HPS1: variants seen among roughly 807,000 people sequenced by gnomAD.
HPS1 encodes the protein BLOC-3 complex member HPS1.
A neutral mutation model predicts 90.6 loss-of-function variants in HPS1; 59 were observed. The observed-to-expected ratio is 0.65, with a 90% confidence interval of 0.53 to 0.81. The LOEUF (loss-of-function observed/expected upper bound fraction) is 0.81, where lower values mean the gene tolerates loss of function less well. HPS1 is among the 30% of genes least tolerant of loss of function. The pLI, the probability that HPS1 is intolerant of heterozygous loss-of-function variation, is 0.00. For synonymous variants in HPS1, 388 were observed against 384.4 expected (o/e 1.01, Z -0.11); for missense variants, 849 against 896.7 (o/e 0.95, Z 0.68).
At chr10:98,443,288 A>G (rs775508402) in intron 2 of HPS1, 48 bp from the exon 3 acceptor site, 3 of 1,387,718 alleles carry the variant, frequency 2.2e-6, no homozygotes, top group East Asian at 2.3e-5. Flanking sequence ...CCCAACATCT[A>G]TGAGCTCAGT....
chr10:98,433,801 G>A, intron 6 of HPS1, 182 bp downstream of exon 6: 1 of 767,464 alleles, frequency 1.3e-6, no homozygotes, highest in Non-Finnish European at 2.1e-6. Flanking sequence ...GTTTTACCAT[G>A]GGAAAGCCCA....
chr10:98,422,593 G>C, intron 16 of HPS1, 80 bp from the exon 17 acceptor site: 1 of 1,443,716 alleles, frequency 6.9e-7, no homozygotes, highest in Non-Finnish European at 9.7e-7. Flanking sequence ...GCTGTGCCCA[G>C]TCATGGTGGC....
chr10:98,415,036 C>T (rs1370655929), downstream of HPS1: 9 of 1,613,810 alleles, frequency 5.6e-6, no homozygotes, highest in Non-Finnish European at 7.6e-6. Flanking sequence ...GCATCATACT[C>T]AGGCTTCAGA....
intron 10 of HPS1, among the ~76,000 whole-genome samples, chr10:98,428,513 C>T (rs1480197008): frequency 1.3e-5 from 2 of 152,156 alleles, no homozygotes; most frequent in Non-Finnish European, 2.9e-5. Context: ...CACCTGGGTC[C>T]CAGGCCCACA....
At chr10:98,440,363 A>G (rs2136300781) in intron 3 of HPS1, among the ~76,000 whole-genome samples, 1 of 152,340 alleles carries the variant, frequency 6.6e-6, no homozygotes, top group African/African-American at 2.4e-5. Context: ...CAAGAGTGAT[A>G]TAGCAAATTA....
Position 98,435,451 on chromosome 10 carries a change from A to G in HPS1, c.256-37T>C. ...GGCAGGCCAGTGTCAGCCAGCCCCA[A>G]GGGCACTCCCTTCACCTGCCCTGGT... On this transcript the variant is annotated intron_variant, in intron 4 of 19. Transcript: ENST00000361490. This position sits in a 1 kb window ranked among gnomAD's most constrained non-coding sequence, Gnocchi z 4.3. 3.7e-6 allele frequency: 6 copies of G among 1,613,610 alleles called. No individual in the cohort carries two copies. Among genetic ancestry groups the G allele is most frequent in the Non-Finnish European group, 5.1e-6 (6 of 1,179,964 alleles).
At chr10:98,436,429 A>C (rs1192509913) in intron 3 of HPS1, among the ~76,000 whole-genome samples, 1 of 152,230 alleles carries the variant, frequency 6.6e-6, no homozygotes, top group Non-Finnish European at 1.5e-5. Flanking sequence ...AATACTGAGA[A>C]AGCCAACACT....
intron 11 of HPS1, 131 bp from the exon 12 acceptor site, chr10:98,426,116 CT>C (rs1224463474): frequency 5.1e-6 from 4 of 785,910 alleles, no homozygotes; most frequent in Non-Finnish European, 8.2e-6. Context: ...AATTCCTGCA[CT>C]CTGCTGAACC....
chr10:98,425,587 T>C lies in HPS1; in HGVS notation c.1289A>G (p.Gln430Arg). Residue 430 changes from glutamine (Q) to arginine (R), a missense_variant, in exon 13 of 20, where the codon CAG (glutamine) becomes CGG (arginine). Coordinates refer to ENST00000361490, the MANE Select transcript of HPS1 (RefSeq NM_000195.5). ...RSQPLVGDLR[Q>R]RMDKFVKNRG... ...ATTCTTGACAAACTTGTCCATCCTC[T>C]GGCGCAGGTCTCCCACGAGGGGCTG... 1 of 1,613,754 alleles carries C rather than the reference T, an allele frequency of 6.2e-7. No individual in the cohort carries two copies. Among genetic ancestry groups the C allele is most frequent in the Non-Finnish European group, 8.5e-7 (1 of 1,179,890 alleles).
At chr10:98,439,134 T>C (rs1178620086) in intron 3 of HPS1, among the ~76,000 whole-genome samples, 1 of 152,124 alleles carries the variant, frequency 6.6e-6, no homozygotes, top group East Asian at 1.9e-4. Flanking sequence ...AGGCAGAAAT[T>C]TGCTACAGGG....
chr10:98,425,751 G>C, intron 12 of HPS1, 31 bp from the exon 13 acceptor site: 1 of 1,598,970 alleles, frequency 6.3e-7, no homozygotes. Flanking sequence ...GCGGGTGAAC[G>C]GGGCTGCCCC....
chr10:98,420,135 C>G lies in HPS1; in HGVS notation c.1767G>C (p.Ala589=). ...KTKVWSLIQL[A]RRYLQKGYTT... ...TGTAGCCCTTCTGCAGGTATCTGCG[C>G]GCCAGCTGGATCAGAGACCAGACCT... The change falls in exon 18 of 20, where the codon GCG becomes GCC. Residue 589 remains alanine, a synonymous_variant. Transcript: ENST00000361490. 1 of 1,613,762 alleles carries G rather than the reference C, an allele frequency of 6.2e-7. No homozygotes were observed. Among genetic ancestry groups the G allele is most frequent in the Non-Finnish European group, 8.5e-7 (1 of 1,179,702 alleles).
chr10:98,443,706 T>G (rs966794522), intron 2 of HPS1, among the ~76,000 whole-genome samples: 2 of 152,244 alleles, frequency 1.3e-5, no homozygotes, highest in South Asian at 2.1e-4. Context: ...CCTCCATCTC[T>G]GGGCAGTCCA....
At chr10:98,434,196 C>G in intron 5 of HPS1, 105 bp from the exon 6 acceptor site, 2 of 1,156,280 alleles carry the variant, frequency 1.7e-6, no homozygotes, top group South Asian at 3.0e-5. Flanking sequence ...GCTTGGTGAG[C>G]CCATATGACC....
chr10:98,424,703 G>A (rs1051493631), intron 13 of HPS1, among the ~76,000 whole-genome samples: 7 of 152,194 alleles, frequency 4.6e-5, no homozygotes, highest in African/African-American at 1.4e-4. Flanking sequence ...TGGGGTGTGC[G>A]GAGGAGGTGC....
chr10:98,444,195 T>C (rs1167722694), intron 2 of HPS1, among the ~76,000 whole-genome samples: 2 of 152,096 alleles, frequency 1.3e-5, no homozygotes, highest in Admixed American at 6.5e-5. Context: ...CTGTACCTAG[T>C]AGGCTGCAGC....
chr10:98,439,492 CA>C (rs762997330), intron 3 of HPS1, among the ~76,000 whole-genome samples: 1 of 152,218 alleles, frequency 6.6e-6, no homozygotes, highest in Non-Finnish European at 1.5e-5. Context: ...TTGACTGCCC[CA>C]CTGGATTTTG....
intron 2 of HPS1, among the ~76,000 whole-genome samples, chr10:98,443,540 C>T (rs1047211292): frequency 6.6e-6 from 1 of 152,220 alleles, no homozygotes; most frequent in Non-Finnish European, 1.5e-5. Context: ...TCTGGTCCCT[C>T]TCAGCACAGC....
rs1305243108 is a variant in HPS1 at position 98,425,735 on chromosome 10, C to T, written c.1156-15G>A. The T allele has an allele frequency of 5.0e-6, 8 of 1,604,344 alleles. No homozygotes were observed. The highest frequency in any genetic ancestry group is 6.8e-6 in the Non-Finnish European group (8 of 1,173,972). On this transcript the variant is annotated splice_polypyrimidine_tract_variant and intron_variant, in intron 12 of 19. Transcript: ENST00000361490. ...GCGCTGGGGCTCTGAGGGTAAGGGCCGAGAGGCGGGTGAACGGGGCTGCCC... is the reference window on the plus strand; with the variant it reads ...GCGCTGGGGCTCTGAGGGTAAGGGCTGAGAGGCGGGTGAACGGGGCTGCCC...
Sources: allele counts gnomAD v4.1 joint callset (sites outside exome capture counted in the v4.1 genomes callset), GRCh38; gene constraint gnomAD v4.1.1; non-coding constraint Gnocchi (gnomAD v3.1); transcripts MANE v1.5; gene names NCBI Gene and HGNC (gene_info 2026-07-23, HGNC 2026-07-21).